The following ZNF444 variants were observed in gnomAD, a reference collection of about 807,000 sequenced individuals.
The protein encoded by ZNF444 is endothelial zinc finger protein 2.
ZNF444 carries 8 observed loss-of-function variants against 14.4 expected under a neutral mutation model. That is an observed-to-expected ratio of 0.56 (90% CI 0.33 to 1.00). The LOEUF (loss-of-function observed/expected upper bound fraction) is 1.00. ZNF444 is among the 50% of genes least tolerant of loss of function. The pLI, the probability that ZNF444 is intolerant of heterozygous loss-of-function variation, is 0.03. For missense variants in ZNF444, 510 were observed against 504.8 expected (o/e 1.01, Z -0.10); for synonymous variants, 258 against 235.9 (o/e 1.09, Z -0.86).
intron 1 of ZNF444, among the ~76,000 whole-genome samples, chr19:56,133,287 G>A (rs1459195915): frequency 6.6e-6 from 1 of 151,598 alleles, no homozygotes; most frequent in Admixed American, 6.6e-5. Context: ...TGGCTAGACT[G>A]GTCTCAAACT....
chr19:56,134,115 C>A (rs983247149), intron 1 of ZNF444, among the ~76,000 whole-genome samples: 75 of 152,070 alleles, frequency 4.9e-4, no homozygotes, highest in African/African-American at 1.8e-3. Context: ...CTCACTCATG[C>A]GTCCATCATC....
At chr19:56,143,824 G>T (rs554256433) in intron 1 of ZNF444, among the ~76,000 whole-genome samples, 1 of 152,174 alleles carries the variant, frequency 6.6e-6, no homozygotes, top group Non-Finnish European at 1.5e-5. Context: ...GCAACTGGGG[G>T]AAGGGCACGT....
intron 1 of ZNF444, among the ~76,000 whole-genome samples, chr19:56,133,551 G>C (rs1599978409): frequency 6.8e-6 from 1 of 147,382 alleles, no homozygotes; most frequent in Non-Finnish European, 1.5e-5. Flanking sequence ...GATGGCTCAC[G>C]CCTGTAATCC....
At chr19:56,133,441 A>G (rs2030535928) in intron 1 of ZNF444, among the ~76,000 whole-genome samples, 1 of 152,140 alleles carries the variant, frequency 6.6e-6, no homozygotes, top group South Asian at 2.1e-4. Context: ...TGCTGGCCTT[A>G]AAACCCGGGT....
upstream of ZNF444, chr19:56,140,864 CA>C (rs1467132246): frequency 6.6e-6 from 1 of 152,378 alleles, no homozygotes; most frequent in Non-Finnish European, 1.5e-5. Context: ...ACAACGCCGC[CA>C]TGGCTCCTCC....
chr19:56,144,200 TCAGGAGGCTGAGC>T lies in ZNF444; in HGVS notation c.-196-2039_-196-2027del, dbSNP rs909531165. ...GGTGCCTGCCTGTGGTCCCAGCTGC[TCAGGAGGCTGAGC>T]CAGGAGGATGGTTTGAGCCCAGGAG... On this transcript the variant is annotated intron_variant, in intron 1 of 4. Transcript: ENST00000337080. The surrounding 1 kb of genome is among the most constrained non-coding windows in gnomAD (Gnocchi z 4.0). 1.3e-5 allele frequency among the ~76,000 whole-genome samples: 2 copies of T among 151,906 alleles called. No individual in the cohort carries two copies. Among genetic ancestry groups the T allele is most frequent in the African/African-American group, 4.8e-5 (2 of 41,302 alleles).
rs2032048193 is a variant in ZNF444, at chr19:56,158,533, G to T, written c.337G>T (p.Val113Leu). ...CCCCGATGGGTCGTCAGCAACGAGG[G>T]TGCCTCAGGATGTGACGCAGGGCCC... ...ASPDGSSATR[V>L]PQDVTQGPGA... Residue 113 changes from valine to leucine, a missense_variant, in exon 4 of 5, where the codon GTG (valine) becomes TTG (leucine). Val to Leu is a conservative substitution (Grantham distance 32). Coordinates refer to ENST00000337080, the MANE Select transcript of ZNF444 (RefSeq NM_018337.4). The T allele has an allele frequency of 1.9e-6, 3 of 1,611,906 alleles. No individual in the cohort carries two copies. The highest frequency in any genetic ancestry group is 1.6e-4 in the Middle Eastern group (1 of 6,068).
upstream of ZNF444, among the ~76,000 whole-genome samples, chr19:56,138,166 G>A (rs2030654224): frequency 6.6e-6 from 1 of 152,012 alleles, no homozygotes; most frequent in African/African-American, 2.4e-5. Flanking sequence ...AACAAAATAT[G>A]GTCTGTGTAT....
At chr19:56,158,473 A>G in intron 3 of ZNF444, 21 bp from the exon 4 acceptor site, 3 of 1,591,838 alleles carry the variant, frequency 1.9e-6, no homozygotes, top group Non-Finnish European at 2.6e-6. Flanking sequence ...TTCTGAGTTC[A>G]AAACTGTGCT....
At chr19:56,159,319 T>C (rs973967750) in intron 4 of ZNF444, among the ~76,000 whole-genome samples, 6 of 150,758 alleles carry the variant, frequency 4.0e-5, no homozygotes, top group African/African-American at 1.2e-4. Context: ...ATCTGTACAT[T>C]CATCCATCCA....
At chr19:56,146,868 C>A in intron 2 of ZNF444, 22 bp from the exon 3 acceptor site, 1 of 1,351,484 alleles carries the variant, frequency 7.4e-7, no homozygotes, top group Non-Finnish European at 9.5e-7. Flanking sequence ...GGGCAGGGGT[C>A]TCACCGGCTT....
chr19:56,158,186 C>A, intron 3 of ZNF444: 1 of 259,434 alleles, frequency 3.9e-6, no homozygotes, highest in South Asian at 1.1e-4. Context: ...TCTGTGGGTC[C>A]GGAGTCTGTG....
intron 4 of ZNF444, among the ~76,000 whole-genome samples, chr19:56,159,299 C>CCCATCCATCATCTGTACATTCAT (rs1270670081): frequency 3.9e-5 from 6 of 152,184 alleles, no homozygotes; most frequent in African/African-American, 2.4e-5. Context: ...TCTTCATCTA[C>CCCATCCATCATCTGTACATTCAT]CCATCCATCA....
Position 56,160,382 on chromosome 19 carries a change from A to C in ZNF444, c.*181A>C, listed in dbSNP as rs1026580232. 6 of 508,294 alleles carry C rather than the reference A, an allele frequency of 1.2e-5. No homozygotes were observed. The highest frequency in any genetic ancestry group is 3.2e-5 in the South Asian group (1 of 31,254). The allele number at this position is 508,294 out of a possible 1,614,324, so 31.5% of individuals were successfully genotyped here. A position where few individuals can be genotyped will look rare whatever the true frequency, so the allele number is the denominator to read the frequency against. On this transcript the variant is annotated 3_prime_UTR_variant, in exon 5 of 5. Coordinates refer to ENST00000337080, the MANE Select transcript of ZNF444 (RefSeq NM_018337.4). ...TTCCTTTCCAACTCCTTTTCCCCCA[A>C]ATTTCACTTTCCTTCTCAGGTCTCA...
In ZNF444 at chr19:56,160,082, C is replaced by T. The variant is rs1381559650; in HGVS notation, c.865C>T (p.Arg289Cys). Residue 289 changes from arginine (R) to cysteine (C), a missense_variant, in exon 5 of 5, where the codon CGC becomes TGC. Physicochemically the swap from Arg to Cys is radical, Grantham distance 180. Coordinates refer to ENST00000337080, the MANE Select transcript of ZNF444 (RefSeq NM_018337.4). ...ACWECGKGFG[R>C]REHVLRHQRI... ...CTGGGAGTGTGGCAAGGGCTTCGGG[C>T]GCCGCGAGCACGTGCTGCGCCACCA... 6.7e-7 allele frequency: 1 copy of T among 1,500,142 alleles called. No individual in the cohort carries two copies. The allele number at this position is 1,500,142 out of a possible 1,614,324, so 92.9% of individuals were successfully genotyped here. A position where few individuals can be genotyped will look rare whatever the true frequency, so the allele number is the denominator to read the frequency against.
rs201128759 is a variant in ZNF444 at position 56,159,970 on chromosome 19, G to A, written c.753G>A (p.Ala251=). 2,428 of 1,510,046 alleles carry A rather than the reference G, an allele frequency of 1.6e-3. 30 individuals are homozygous for A. In the African/African-American group the frequency reaches 0.025, roughly 16 times the overall value. 93.5% of individuals were successfully genotyped at this position (1,510,046 alleles called of 1,614,324 possible). The part of the protein sequence containing the change: ...RPLPAREKPH[A]CCECGKTFYW... ...TGCCCGCCCGTGAGAAGCCCCACGC[G>A]TGCTGCGAGTGTGGCAAGACCTTCT... is the stretch of plus-strand genomic sequence containing the variant. The change falls in exon 5 of 5, where the codon GCG becomes GCA. Residue 251 remains alanine (A), a synonymous_variant. Coordinates refer to ENST00000337080, the MANE Select transcript of ZNF444 (RefSeq NM_018337.4).
intron 3 of ZNF444, chr19:56,156,302 C>T (rs541159812): frequency 1.1e-3 from 166 of 152,302 alleles, no homozygotes; most frequent in African/African-American, 3.9e-3. Flanking sequence ...TCCTTTTGGC[C>T]TTTTATGGAG....
rs772689512 is a variant in ZNF444, at chr19:56,159,638, G to A, written c.421G>A (p.Gly141Arg). 3 of 1,447,108 alleles carry A rather than the reference G, an allele frequency of 2.1e-6. No individual in the cohort carries two copies. The highest frequency in any genetic ancestry group is 5.2e-5 in the East Asian group (2 of 38,424). The allele number at this position is 1,447,108 out of a possible 1,614,324, so 89.6% of individuals were successfully genotyped here. Residue 141 changes from glycine to arginine, a missense_variant, in exon 5 of 5, where the codon GGG (glycine) becomes AGG (arginine). Transcript: ENST00000337080. ...GMIPLAGTAP[G>R]AEGPAPGDSQ... ...TCTTTTCCCAGCAGGCACCGCCCCT[G>A]GGGCTGAGGGGCCGGCGCCTGGGGA...
At chr19:56,136,502 G>A (rs977728274), upstream of ZNF444, among the ~76,000 whole-genome samples, 10 of 152,158 alleles carry the variant, frequency 6.6e-5, no homozygotes, top group African/African-American at 2.4e-4. Flanking sequence ...ATTTGAGCTG[G>A]GCTTGCTTTT....
Sources: allele counts gnomAD v4.1 joint callset (sites outside exome capture counted in the v4.1 genomes callset), GRCh38; gene constraint gnomAD v4.1.1; non-coding constraint Gnocchi (gnomAD v3.1); transcripts MANE v1.5; gene names NCBI Gene and HGNC (gene_info 2026-07-23, HGNC 2026-07-21).